The following NIM1K variants were observed in gnomAD, a reference collection of about 807,000 sequenced individuals.
NIM1K encodes NIM1 serine/threonine protein kinase, also known as serine/threonine-protein kinase NIM1.
Under a neutral mutation model 37.1 loss-of-function variants are expected in NIM1K, and 35 were observed. The observed-to-expected ratio is 0.94, with a 90% CI of 0.72 to 1.25. NIM1K has a LOEUF of 1.25. Among genes scored for constraint, NIM1K ranks in the 50% most tolerant of loss-of-function variants. The probability of loss-of-function intolerance (pLI) is 0.00; values close to 1 mark genes in which losing one functional copy is unlikely to be tolerated. For synonymous variants in NIM1K, 234 were observed against 206.6 expected (o/e 1.13, Z -1.14); for missense variants, 564 against 548.0 (o/e 1.03, Z -0.29).
chr5:43,246,131 A>T lies in NIM1K; in HGVS notation c.292+64A>T. ...TGGGACCTAGTGTAGGAAAGGGGTTAGGTGGCCAGGGCCAAGGAAGCAAGT... is the reference window on the plus strand; with the variant it reads ...TGGGACCTAGTGTAGGAAAGGGGTTTGGTGGCCAGGGCCAAGGAAGCAAGT... On this transcript the variant is annotated intron_variant, in intron 2 of 3. Coordinates refer to ENST00000326035, the MANE Select transcript of NIM1K (RefSeq NM_153361.4). 2.7e-6 allele frequency: 4 copies of T among 1,454,740 alleles called. No homozygotes were observed. In the South Asian group the frequency reaches 3.9e-5, roughly 14 times the overall value. The allele number at this position is 1,454,740 out of a possible 1,614,324, so 90.1% of individuals were successfully genotyped here. A position where few individuals can be genotyped will look rare whatever the true frequency, so the allele number is the denominator to read the frequency against.
chr5:43,260,317 G>A (rs796793769), intron 2 of NIM1K, among the ~76,000 whole-genome samples: 25 of 152,256 alleles, frequency 1.6e-4, no homozygotes, highest in African/African-American at 6.0e-4. Context: ...CTCTCAGGGG[G>A]AATGCTTTCA....
intron 2 of NIM1K, among the ~76,000 whole-genome samples, chr5:43,254,231 G>C (rs1325653778): frequency 2.0e-5 from 3 of 152,146 alleles, no homozygotes; most frequent in African/African-American, 7.2e-5. Context: ...ACATGGGAGA[G>C]GAAGAATTGA....
intron 1 of NIM1K, among the ~76,000 whole-genome samples, chr5:43,201,655 A>C (rs887752870): frequency 6.6e-6 from 1 of 151,972 alleles, no homozygotes; most frequent in African/African-American, 2.4e-5. Context: ...AAAGTTTAAC[A>C]TGTGAGAAGA....
At chr5:43,198,663 G>A (rs1751972183) in intron 1 of NIM1K, among the ~76,000 whole-genome samples, 1 of 152,140 alleles carries the variant, frequency 6.6e-6, no homozygotes, top group African/African-American at 2.4e-5. Context: ...AGAGGGGATT[G>A]CCTGTGGCAC....
intron 2 of NIM1K, among the ~76,000 whole-genome samples, chr5:43,273,072 C>T (rs925604567): frequency 1.3e-5 from 2 of 152,192 alleles, no homozygotes; most frequent in Admixed American, 6.5e-5. Context: ...CATCTGTCTA[C>T]TTCTCTCTGT....
At chr5:43,278,381 C>T (rs1217055654) in intron 3 of NIM1K, among the ~76,000 whole-genome samples, 3 of 152,212 alleles carry the variant, frequency 2.0e-5, no homozygotes, top group Non-Finnish European at 4.4e-5. Context: ...TTGGTTACTT[C>T]TTTAGATAAA....
chr5:43,225,342 T>C (rs1156745652), intron 1 of NIM1K, among the ~76,000 whole-genome samples: 1 of 150,042 alleles, frequency 6.7e-6, no homozygotes, highest in Non-Finnish European at 1.5e-5. Flanking sequence ...TTGATACCTC[T>C]CTCTGGACCT....
chr5:43,258,057 T>C (rs191397476), intron 2 of NIM1K, among the ~76,000 whole-genome samples: 1 of 152,156 alleles, frequency 6.6e-6, no homozygotes. Context: ...ACAGAACACT[T>C]CTGGTACTCA....
intron 2 of NIM1K, among the ~76,000 whole-genome samples, chr5:43,271,878 T>A (rs993318670): frequency 2.0e-5 from 3 of 152,242 alleles, no homozygotes; most frequent in Non-Finnish European, 4.4e-5. Flanking sequence ...TCTCCATTTC[T>A]ATAATTTTGT....
chr5:43,196,002 G>A (rs559106465), intron 1 of NIM1K, among the ~76,000 whole-genome samples: 2 of 152,270 alleles, frequency 1.3e-5, no homozygotes, highest in Admixed American at 1.3e-4. Context: ...CCAGAAAGCA[G>A]TCAGTACCCT....
chr5:43,236,132 G>T (rs563535747), intron 1 of NIM1K, among the ~76,000 whole-genome samples: 2 of 151,888 alleles, frequency 1.3e-5, no homozygotes, highest in Non-Finnish European at 2.9e-5. Flanking sequence ...CAGGCATGGT[G>T]GTGTGTACCA....
At chr5:43,255,866 T>A (rs1231674883) in intron 2 of NIM1K, among the ~76,000 whole-genome samples, 2 of 151,152 alleles carry the variant, frequency 1.3e-5, no homozygotes, top group African/African-American at 4.9e-5. Flanking sequence ...ATAATTAAAC[T>A]GAAAGAAATG....
intron 1 of NIM1K, among the ~76,000 whole-genome samples, chr5:43,237,482 A>T (rs1752638163): frequency 6.6e-6 from 1 of 152,222 alleles, no homozygotes; most frequent in Admixed American, 6.5e-5. Context: ...TAAAGGGCAA[A>T]GGCAAAAGAA....
At chr5:43,219,135 C>G (rs1246623433) in intron 1 of NIM1K, among the ~76,000 whole-genome samples, 1 of 152,106 alleles carries the variant, frequency 6.6e-6, no homozygotes, top group Non-Finnish European at 1.5e-5. Context: ...TTGTAAGTTT[C>G]CTGAGGCCTC....
chr5:43,268,931 A>G (rs1350398540), intron 2 of NIM1K, among the ~76,000 whole-genome samples: 1 of 152,154 alleles, frequency 6.6e-6, no homozygotes, highest in Non-Finnish European at 1.5e-5. Flanking sequence ...AATTTTTGCA[A>G]AGGTGGTTTT....
At chr5:43,241,735 T>C (rs1752706569) in intron 1 of NIM1K, among the ~76,000 whole-genome samples, 1 of 152,052 alleles carries the variant, frequency 6.6e-6, no homozygotes, top group Admixed American at 6.5e-5. Flanking sequence ...GTTTTCCCTA[T>C]CAGGTTATCA....
intron 2 of NIM1K, among the ~76,000 whole-genome samples, chr5:43,254,560 G>A (rs1752913224): frequency 6.6e-6 from 1 of 152,194 alleles, no homozygotes; most frequent in Non-Finnish European, 1.5e-5. Context: ...GGTGAGTTAA[G>A]TTAGTATAAC....
At chr5:43,241,525 G>C (rs937372156) in intron 1 of NIM1K, among the ~76,000 whole-genome samples, 1 of 151,660 alleles carries the variant, frequency 6.6e-6, no homozygotes, top group African/African-American at 2.4e-5. Flanking sequence ...ATTTTCAGTA[G>C]AGACGAGGTT....
intron 1 of NIM1K, among the ~76,000 whole-genome samples, chr5:43,236,756 A>C (rs1361743554): frequency 6.6e-6 from 1 of 152,222 alleles, no homozygotes; most frequent in Non-Finnish European, 1.5e-5. Flanking sequence ...GACTGGATGG[A>C]CTGTCCCTGG....
Sources: gnomAD v4.1 joint callset for allele counts (sites outside exome capture counted in the v4.1 genomes callset) on GRCh38, gnomAD v4.1.1 for gene constraint, MANE v1.5 for transcripts, NCBI Gene and HGNC (gene_info 2026-07-23, HGNC 2026-07-21) for gene names.